The following ECT2L variants were observed in gnomAD, a reference collection of about 807,000 sequenced individuals.
ECT2L encodes the protein epithelial cell transforming 2 like, also known as epithelial cell-transforming sequence 2 oncogene-like.
Under a neutral mutation model 122.8 loss-of-function variants are expected in ECT2L, and 126 were observed. The ratio of observed to expected loss-of-function variants is 1.03; its 90% CI spans 0.89 to 1.19. ECT2L has a LOEUF of 1.19. ECT2L is among the 50% of genes most tolerant of loss of function. The pLI is 0.00. For missense variants in ECT2L, 1,012 were observed against 1,064.1 expected (o/e 0.95, Z 0.68); for synonymous variants, 385 against 381.8 (o/e 1.01, Z -0.10).
At chr6:138,893,533 G>A (rs550884108) in intron 20 of ECT2L, among the ~76,000 whole-genome samples, 35 of 151,886 alleles carry the variant, frequency 2.3e-4, no homozygotes, top group Admixed American at 1.8e-3. Flanking sequence ...GGATTCTCCC[G>A]CCTCAGCCTC....
chr6:138,903,247 C>T lies in ECT2L; in HGVS notation c.*620C>T, dbSNP rs553558424. On this transcript the variant is annotated 3_prime_UTR_variant, in exon 22 of 22. Coordinates refer to ENST00000541398, the MANE Select transcript of ECT2L (RefSeq NM_001077706.3). ...TGGCACACGCCTGTAGTCCCTGCTA[C>T]TTGCGACGCTGAGGCAGGAGAAGAA... is the stretch of plus-strand genomic sequence containing the variant. 1 of 152,170 alleles carries T rather than the reference C, an allele frequency of 6.6e-6. No homozygotes were observed. The highest frequency in any genetic ancestry group is 2.4e-5 in the African/African-American group (1 of 41,476). The allele number at this position is 152,170 out of a possible 1,614,324, so 9.4% of individuals were successfully genotyped here.
chr6:138,850,204 A>G (rs960443169), intron 9 of ECT2L, among the ~76,000 whole-genome samples: 1 of 151,950 alleles, frequency 6.6e-6, no homozygotes, highest in African/African-American at 2.4e-5. Context: ...GCAGCGGCAC[A>G]ATCTCAGCTC....
rs538698629 is a variant in ECT2L, at chr6:138,883,131, C to A, written c.2028+260C>A. Among the ~76,000 whole-genome samples, 17 of 152,322 alleles carry A rather than the reference C, an allele frequency of 1.1e-4. No individual in the cohort carries two copies. The South Asian group carries it at 2.7e-3, about 24-fold the overall frequency. On this transcript the variant is annotated intron_variant, in intron 16 of 21. Coordinates refer to ENST00000541398, the MANE Select transcript of ECT2L (RefSeq NM_001077706.3). ...GCCAGGCTTTCACCTGCCCCAGATA[C>A]CCTCAGCTTACAGGAAAATGCTCCA...
intron 4 of ECT2L, among the ~76,000 whole-genome samples, chr6:138,821,966 A>C (rs66691307): frequency 0.11 from 17,150 of 152,228 alleles, 1,342 homozygotes; most frequent in East Asian, 0.27. Flanking sequence ...ACAGGGACTG[A>C]CTGTAGCCCA....
Position 138,881,157 on chromosome 6 carries a change from T to G in ECT2L, c.1866T>G (p.Ile622Met). 6.2e-7 allele frequency: 1 copy of G among 1,613,996 alleles called. No homozygotes were observed. The highest frequency in any genetic ancestry group is 8.5e-7 in the Non-Finnish European group (1 of 1,179,946). ...TCATTTTCTGTGACATTCTACAGAT[T>G]TTAAGTCTCAACAGGTAAACCCTGA... ...IQIIFCDILQ[I>M]LSLNRQFLDN... The change falls in exon 15 of 22, where the codon ATT becomes ATG. Residue 622 changes from isoleucine (I) to methionine (M), a missense_variant. Physicochemically the swap from Ile to Met is conservative, Grantham distance 10. Transcript: ENST00000541398.
intron 10 of ECT2L, among the ~76,000 whole-genome samples, chr6:138,854,787 T>C (rs535356456): frequency 1.3e-5 from 2 of 152,342 alleles, no homozygotes; most frequent in African/African-American, 4.8e-5. Flanking sequence ...GATATCATTT[T>C]AAGTGGCTGC....
chr6:138,902,902 GAAAC>G lies in ECT2L; in HGVS notation c.*276_*279del. 1 of 358,210 alleles carries G rather than the reference GAAAC, an allele frequency of 2.8e-6. No individual in the cohort carries two copies. The highest frequency in any genetic ancestry group is 4.8e-5 in the Admixed American group (1 of 20,928). The allele number at this position is 358,210 out of a possible 1,614,324, so 22.2% of individuals were successfully genotyped here. On this transcript the variant is annotated 3_prime_UTR_variant, in exon 22 of 22. Transcript: ENST00000541398. Reference sequence around the variant, plus strand: ...ATTATTTAGAGTAATTTGATGTGATGAAACCTAAGACAGAGCAAGCACATTGTGT... The same window carrying G: ...ATTATTTAGAGTAATTTGATGTGATGCTAAGACAGAGCAAGCACATTGTGT...
chr6:138,826,356 TTTTC>T (rs1404523882), intron 4 of ECT2L, among the ~76,000 whole-genome samples: 7 of 152,208 alleles, frequency 4.6e-5, no homozygotes, highest in African/African-American at 1.2e-4. Flanking sequence ...AGAAATTATT[TTTTC>T]TTTATTTTGG....
At chr6:138,848,933 G>A (rs1777327690) in intron 8 of ECT2L, among the ~76,000 whole-genome samples, 1 of 152,198 alleles carries the variant, frequency 6.6e-6, no homozygotes, top group Non-Finnish European at 1.5e-5. Context: ...GGGATTACAA[G>A]TGTAAGCCAC....
chr6:138,818,788 A>G (rs1426282174), intron 4 of ECT2L, among the ~76,000 whole-genome samples: 1 of 152,064 alleles, frequency 6.6e-6, no homozygotes, highest in Non-Finnish European at 1.5e-5. Context: ...CTGACCCAAC[A>G]GGACTCTCGC....
intron 15 of ECT2L, among the ~76,000 whole-genome samples, chr6:138,881,649 G>A (rs1778650362): frequency 6.6e-6 from 1 of 151,202 alleles, no homozygotes; most frequent in Non-Finnish European, 1.5e-5. Context: ...TCCCGTCTTG[G>A]GATGATGGGA....
Position 138,876,097 on chromosome 6 carries a change from C to T in ECT2L, c.1579-375C>T, listed in dbSNP as rs186952008. ...TTGTGCCATTGCACTCCAGCCTGGG[C>T]GAGAGTGAGACTCCATCTCAAGAAA... On this transcript the variant is annotated intron_variant, in intron 13 of 21. Coordinates refer to ENST00000541398, the MANE Select transcript of ECT2L (RefSeq NM_001077706.3). Among the ~76,000 whole-genome samples the T allele has an allele frequency of 3.2e-4, 48 of 149,606 alleles. 1 individual carries two copies. In the East Asian group the frequency reaches 8.8e-3, roughly 28 times the overall value.
At chr6:138,888,727 A>G (rs909130345) in intron 19 of ECT2L, among the ~76,000 whole-genome samples, 1 of 152,208 alleles carries the variant, frequency 6.6e-6, no homozygotes, top group Non-Finnish European at 1.5e-5. Flanking sequence ...AAACTTTGAC[A>G]AAGATTACTT....
intron 1 of ECT2L, among the ~76,000 whole-genome samples, chr6:138,801,120 A>C (rs1470121366): frequency 3.9e-5 from 6 of 152,256 alleles, no homozygotes; most frequent in Non-Finnish European, 8.8e-5. Context: ...ATTAAGGTTC[A>C]AAACCTGATA....
At chr6:138,880,038 A>G (rs1778591599) in intron 14 of ECT2L, among the ~76,000 whole-genome samples, 1 of 152,240 alleles carries the variant, frequency 6.6e-6, no homozygotes, top group Non-Finnish European at 1.5e-5. Flanking sequence ...CTGGCTAGCC[A>G]GGAGAGATGG....
At chr6:138,840,534 T>A (rs1216181284) in intron 5 of ECT2L, among the ~76,000 whole-genome samples, 1 of 152,204 alleles carries the variant, frequency 6.6e-6, no homozygotes, top group Non-Finnish European at 1.5e-5. Flanking sequence ...CTATTTCATC[T>A]TCATACTTAG....
intron 9 of ECT2L, among the ~76,000 whole-genome samples, chr6:138,851,234 G>A (rs891260402): frequency 6.6e-6 from 1 of 151,874 alleles, no homozygotes; most frequent in African/African-American, 2.4e-5. Context: ...TGTTTCCTAA[G>A]GTGAAATGCA....
In ECT2L at chr6:138,902,728, C is replaced by T; in HGVS notation, c.*101C>T. Reference sequence around the variant, plus strand: ...ATCCAGTAAGAAACAGAATAACTGTCATGGATGATGAGATAAACTAAGATG... The same window carrying T: ...ATCCAGTAAGAAACAGAATAACTGTTATGGATGATGAGATAAACTAAGATG... On this transcript the variant is annotated 3_prime_UTR_variant, in exon 22 of 22. Coordinates refer to ENST00000541398, the MANE Select transcript of ECT2L (RefSeq NM_001077706.3). 7.2e-7 allele frequency: 1 copy of T among 1,384,570 alleles called. No homozygotes were observed. Among genetic ancestry groups the T allele is most frequent in the African/African-American group, 1.4e-5 (1 of 69,342 alleles). The allele number at this position is 1,384,570 out of a possible 1,614,324, so 85.8% of individuals were successfully genotyped here. A position where few individuals can be genotyped will look rare whatever the true frequency, so the allele number is the denominator to read the frequency against.
chr6:138,819,246 A>AAG (rs1554269143), intron 4 of ECT2L, among the ~76,000 whole-genome samples: 42,188 of 124,976 alleles, frequency 0.34, 6,426 homozygotes, highest in East Asian at 0.45. Flanking sequence ...AAAAAAAAAA[A>AAG]AAAAAGGAAA....
Sources: gnomAD v4.1 joint callset for allele counts (sites outside exome capture counted in the v4.1 genomes callset) on GRCh38, gnomAD v4.1.1 for gene constraint, MANE v1.5 for transcripts, NCBI Gene and HGNC (gene_info 2026-07-23, HGNC 2026-07-21) for gene names.